The following PSPH variants were observed in gnomAD, a reference collection of about 807,000 sequenced individuals.
PSPH encodes phosphoserine phosphatase, also known as L-3-phosphoserine phosphatase.
PSPH carries 16 observed loss-of-function variants against 23.4 expected under a neutral mutation model. The ratio of observed to expected loss-of-function variants is 0.68; its 90% confidence interval spans 0.46 to 1.04. PSPH has a LOEUF of 1.04. Ranked by LOEUF, PSPH falls within the 50% of genes least tolerant of loss-of-function variation. The pLI is 0.00. For missense variants in PSPH, 223 were observed against 273.7 expected (o/e 0.81, Z 1.31); for synonymous variants, 68 against 99.7 (o/e 0.68, Z 1.89).
At chr7:56,042,437 G>C (rs1160271890) in intron 1 of PSPH, among the ~76,000 whole-genome samples, 1 of 152,058 alleles carries the variant, frequency 6.6e-6, no homozygotes, top group Non-Finnish European at 1.5e-5. Context: ...GATTGCTTGA[G>C]GCCAGGAGTT....
intron 3 of PSPH, among the ~76,000 whole-genome samples, chr7:56,024,040 C>A (rs1418812515): frequency 1.3e-5 from 2 of 151,924 alleles, no homozygotes; most frequent in African/African-American, 4.8e-5. Context: ...CATTCTCCTG[C>A]CTCAGCCTCT....
intron 6 of PSPH, among the ~76,000 whole-genome samples, chr7:56,016,055 C>T (rs549955673): frequency 7.2e-4 from 110 of 151,856 alleles, no homozygotes; most frequent in African/African-American, 2.5e-3. Flanking sequence ...CAGTAATTAC[C>T]ACACTCATTC....
chr7:56,025,213 C>T (rs1790019178), intron 3 of PSPH, among the ~76,000 whole-genome samples: 1 of 152,052 alleles, frequency 6.6e-6, no homozygotes. Flanking sequence ...CGCACAAATA[C>T]ACATACACAC....
intron 1 of PSPH, among the ~76,000 whole-genome samples, chr7:56,047,492 T>C (rs921256708): frequency 1.3e-5 from 2 of 152,084 alleles, no homozygotes; most frequent in Non-Finnish European, 2.9e-5. Context: ...TAAATGCTTA[T>C]TAAATACAAA....
chr7:56,035,674 C>T (rs1235681511), intron 1 of PSPH, among the ~76,000 whole-genome samples: 1 of 151,814 alleles, frequency 6.6e-6, no homozygotes, highest in Non-Finnish European at 1.5e-5. Flanking sequence ...GGCTGGAGTG[C>T]AGTGGTGCTA....
At chr7:56,040,328 A>G (rs1181170592) in intron 1 of PSPH, among the ~76,000 whole-genome samples, 1 of 152,074 alleles carries the variant, frequency 6.6e-6, no homozygotes, top group Non-Finnish European at 1.5e-5. Context: ...GGTATGATAT[A>G]TGGTTATATA....
At chr7:56,047,587 T>G (rs1793415271) in intron 1 of PSPH, among the ~76,000 whole-genome samples, 1 of 151,818 alleles carries the variant, frequency 6.6e-6, no homozygotes, top group Non-Finnish European at 1.5e-5. Flanking sequence ...TGAGAAAAAC[T>G]GACATCATGT....
chr7:56,026,500 A>G (rs1790210494), intron 3 of PSPH, among the ~76,000 whole-genome samples: 1 of 150,968 alleles, frequency 6.6e-6, no homozygotes, highest in African/African-American at 2.4e-5. Context: ...AAAAAAAAAA[A>G]AAAAAAAAAA....
chr7:56,035,629 T>C (rs1352810861), intron 1 of PSPH, among the ~76,000 whole-genome samples: 2 of 151,766 alleles, frequency 1.3e-5, no homozygotes, highest in Non-Finnish European at 2.9e-5. Flanking sequence ...CACAATTTTT[T>C]TTTCCCCCGA....
At chr7:56,012,463 G>A (rs1788022714) in intron 7 of PSPH, among the ~76,000 whole-genome samples, 3 of 152,080 alleles carry the variant, frequency 2.0e-5, no homozygotes, top group African/African-American at 7.2e-5. Context: ...TCACAGGCGT[G>A]AGCCACCGCT....
intron 6 of PSPH, among the ~76,000 whole-genome samples, chr7:56,016,327 C>G (rs1788552065): frequency 6.8e-6 from 1 of 147,494 alleles, no homozygotes; most frequent in Admixed American, 7.0e-5. Context: ...TCGCTTGCAC[C>G]CAGGAGGCAG....
chr7:56,046,611 CCT>C (rs759339822), intron 1 of PSPH, among the ~76,000 whole-genome samples: 11 of 151,990 alleles, frequency 7.2e-5, no homozygotes, highest in Non-Finnish European at 1.5e-4. Context: ...ATGGTGAAGC[CCT>C]GTCTCTACAA....
At chr7:56,019,039 AG>A (rs145131675) in intron 5 of PSPH, among the ~76,000 whole-genome samples, 9,944 of 152,070 alleles carry the variant, frequency 0.065, 331 homozygotes, top group Middle Eastern at 0.085. Flanking sequence ...ACTATTAAGG[AG>A]GCTAAGGAGG....
At chr7:56,015,346 T>G (rs1208907039) in intron 6 of PSPH, among the ~76,000 whole-genome samples, 175 bp from the exon 7 acceptor site, 1 of 152,178 alleles carries the variant, frequency 6.6e-6, no homozygotes, top group Non-Finnish European at 1.5e-5. Context: ...CAAGCTTTGC[T>G]TTGCTTTTAT....
chr7:56,036,271 C>A (rs1251973657), intron 1 of PSPH, among the ~76,000 whole-genome samples: 1 of 151,724 alleles, frequency 6.6e-6, no homozygotes, highest in Non-Finnish European at 1.5e-5. Context: ...ATAAAAGAAA[C>A]AAAATGTTAA....
intron 3 of PSPH, among the ~76,000 whole-genome samples, chr7:56,031,159 C>T (rs1449188894): frequency 4.0e-5 from 6 of 150,214 alleles, no homozygotes; most frequent in East Asian, 2.0e-4. Flanking sequence ...TGCAGTGAGC[C>T]GAGATTCCGC....
chr7:56,030,420 G>A (rs1010385035), intron 3 of PSPH, among the ~76,000 whole-genome samples: 2 of 151,374 alleles, frequency 1.3e-5, no homozygotes, highest in African/African-American at 4.9e-5. Flanking sequence ...CACCATGCCC[G>A]GCCTAAAAAA....
chr7:56,019,024 TC>T (rs1788962825), intron 5 of PSPH, among the ~76,000 whole-genome samples: 1 of 150,874 alleles, frequency 6.6e-6, no homozygotes, highest in African/African-American at 2.4e-5. Flanking sequence ...GCACCTGTAG[TC>T]CCCACTATTA....
chr7:56,026,859 G>T (rs914416602), intron 3 of PSPH, among the ~76,000 whole-genome samples: 1 of 152,098 alleles, frequency 6.6e-6, no homozygotes, highest in Non-Finnish European at 1.5e-5. Flanking sequence ...GACAAATGGT[G>T]TAAGAGGAGC....
Sources: allele counts gnomAD v4.1 joint callset (sites outside exome capture counted in the v4.1 genomes callset), GRCh38; gene constraint gnomAD v4.1.1; transcripts MANE v1.5; gene names NCBI Gene and HGNC (gene_info 2026-07-23, HGNC 2026-07-21).